Variants in COL5A2 observed in about 807,000 individuals in gnomAD.
COL5A2 encodes collagen alpha-2(V) chain.
COL5A2 carries 23 observed loss-of-function variants against 208.2 expected under a neutral mutation model. That is an observed-to-expected ratio of 0.11 (90% CI 0.08 to 0.16). The LOEUF is 0.16. Among genes scored for constraint, COL5A2 ranks in the 10% least tolerant of loss-of-function variants. The pLI, the probability that COL5A2 is intolerant of heterozygous loss-of-function variation, is 1.00. For synonymous variants in COL5A2, 625 were observed against 628.5 expected (o/e 0.99, Z 0.08); for missense variants, 1,590 against 1,956.4 (o/e 0.81, Z 3.53).
chr2:189,314,463 C>G, the COL5A2 span, among the ~76,000 whole-genome samples: 10 of 152,186 alleles, frequency 6.6e-5, no homozygotes, highest in Non-Finnish European at 1.3e-4. Flanking sequence ...ATTTACAGCA[C>G]TAAATACCCA....
intron 23 of COL5A2, among the ~76,000 whole-genome samples, chr2:189,065,289 G>T (rs1686123506): frequency 1.3e-5 from 2 of 152,146 alleles, no homozygotes; most frequent in African/African-American, 4.8e-5. Flanking sequence ...CTGCACTTTG[G>T]GAGGCCAAGG....
chr2:189,343,694 G>GTGA, the COL5A2 span, among the ~76,000 whole-genome samples: 2 of 152,112 alleles, frequency 1.3e-5, no homozygotes, highest in South Asian at 4.1e-4. Flanking sequence ...AGAATATCAG[G>GTGA]TGTTCATCTA....
the COL5A2 span, among the ~76,000 whole-genome samples, chr2:189,360,379 A>T: frequency 4.6e-5 from 7 of 150,746 alleles, no homozygotes; most frequent in African/African-American, 1.7e-4. Context: ...CAAAAACAAA[A>T]CTCCCCTCCT....
chr2:189,301,267 C>T, the COL5A2 span, among the ~76,000 whole-genome samples: 5,610 of 152,144 alleles, frequency 0.037, 117 homozygotes, highest in Admixed American at 0.05. Context: ...AAGGTAAATA[C>T]AAATGTAATA....
At chr2:189,103,643 C>T (rs1286601600) in intron 3 of COL5A2, among the ~76,000 whole-genome samples, 1 of 152,020 alleles carries the variant, frequency 6.6e-6, no homozygotes, top group Non-Finnish European at 1.5e-5. Context: ...CCAAGCTGAC[C>T]AGCTATACTC....
chr2:189,283,840 T>C, the COL5A2 span, among the ~76,000 whole-genome samples: 1 of 152,288 alleles, frequency 6.6e-6, no homozygotes, highest in East Asian at 1.9e-4. Context: ...AGTTTATTTT[T>C]AAAATATGAG....
chr2:189,260,444 G>T, the COL5A2 span, among the ~76,000 whole-genome samples: 1 of 152,150 alleles, frequency 6.6e-6, no homozygotes, highest in Non-Finnish European at 1.5e-5. Flanking sequence ...AGCAGAAGTT[G>T]TTCTGTTTGG....
chr2:189,386,827 A>G, the COL5A2 span, among the ~76,000 whole-genome samples: 1 of 152,142 alleles, frequency 6.6e-6, no homozygotes, highest in African/African-American at 2.4e-5. Flanking sequence ...AAAAAATAAC[A>G]AATGTTGGTG....
the COL5A2 span, among the ~76,000 whole-genome samples, chr2:189,410,633 A>T: frequency 6.6e-6 from 1 of 152,118 alleles, no homozygotes; most frequent in Non-Finnish European, 1.5e-5. Context: ...TATCTGCCAC[A>T]TTTTTCAATA....
At chr2:189,102,017 T>C (rs1480380087) in intron 3 of COL5A2, among the ~76,000 whole-genome samples, 2 of 152,116 alleles carry the variant, frequency 1.3e-5, no homozygotes, top group African/African-American at 2.4e-5. Context: ...GTAAGAGCTA[T>C]AATAAAAGAT....
chr2:189,257,812 C>T, the COL5A2 span, among the ~76,000 whole-genome samples: 1 of 152,050 alleles, frequency 6.6e-6, no homozygotes, highest in Non-Finnish European at 1.5e-5. Flanking sequence ...TACAATACTA[C>T]CTCTTATTAA....
At chr2:189,162,900 A>G (rs1328378517) in intron 1 of COL5A2, among the ~76,000 whole-genome samples, 1 of 152,142 alleles carries the variant, frequency 6.6e-6, no homozygotes, top group Non-Finnish European at 1.5e-5. Context: ...CAGAAGATAA[A>G]GGAGGGCAAG....
At chr2:189,041,728 G>A (rs1416687020) in intron 49 of COL5A2, 35 bp from the exon 50 acceptor site, 1 of 1,495,314 alleles carries the variant, frequency 6.7e-7, no homozygotes, top group Admixed American at 1.7e-5. Flanking sequence ...TAGATTCTAT[G>A]AAGGAAAAAT....
At chr2:189,192,761 C>A (rs895634763) in intron 1 of COL5A2, among the ~76,000 whole-genome samples, 3 of 152,150 alleles carry the variant, frequency 2.0e-5, no homozygotes, top group Non-Finnish European at 2.9e-5. Flanking sequence ...CTCCAAAATT[C>A]ATCTTGAAAT....
At chr2:189,205,718 A>G in intron 1 of COL5A2, among the ~76,000 whole-genome samples, 1 of 152,212 alleles carries the variant, frequency 6.6e-6, no homozygotes, top group Non-Finnish European at 1.5e-5. Context: ...TTGGTTATCT[A>G]CATTCATATT....
At chr2:189,058,285 G>T in intron 33 of COL5A2, 144 bp downstream of exon 33, 1 of 744,184 alleles carries the variant, frequency 1.3e-6, no homozygotes, top group Non-Finnish European at 2.3e-6. Flanking sequence ...CCTAGTAAGC[G>T]CTCATTAAAT....
At chr2:189,213,034 G>A (rs1162765890) in intron 1 of COL5A2, among the ~76,000 whole-genome samples, 1 of 151,698 alleles carries the variant, frequency 6.6e-6, no homozygotes, top group Non-Finnish European at 1.5e-5. Flanking sequence ...GACTACAGGC[G>A]CATGTCACCA....
At chr2:189,082,657 C>A (rs898664156) in intron 12 of COL5A2, among the ~76,000 whole-genome samples, 1 of 152,186 alleles carries the variant, frequency 6.6e-6, no homozygotes, top group African/African-American at 2.4e-5. Context: ...TGTCCTAATG[C>A]TCATAAAAAT....
intron 1 of COL5A2, among the ~76,000 whole-genome samples, chr2:189,218,685 A>G (rs528369956): frequency 6.6e-6 from 1 of 152,316 alleles, no homozygotes; most frequent in Non-Finnish European, 1.5e-5. Flanking sequence ...AAGGTTTAAA[A>G]TGTATAAAAC....
Sources: allele counts gnomAD v4.1 joint callset (sites outside exome capture counted in the v4.1 genomes callset), GRCh38; gene constraint gnomAD v4.1.1; transcripts MANE v1.5; gene names NCBI Gene and HGNC (gene_info 2026-07-23, HGNC 2026-07-21).